The following MAGI2 variants were observed in gnomAD, a reference collection of about 807,000 sequenced individuals.
The protein encoded by MAGI2 is membrane associated guanylate kinase, WW and PDZ domain containing 2, also known as membrane-associated guanylate kinase, WW and PDZ domain-containing protein 2.
MAGI2 carries 35 observed loss-of-function variants against 133.3 expected under a neutral mutation model. The ratio of observed to expected loss-of-function variants is 0.26; its 90% CI spans 0.20 to 0.35. The LOEUF (loss-of-function observed/expected upper bound fraction) is 0.35, where lower values mean the gene tolerates loss of function less well. Among genes scored for constraint, MAGI2 ranks in the 10% least tolerant of loss-of-function variants. MAGI2 has a pLI of 1.00. For synonymous variants in MAGI2, 729 were observed against 710.6 expected (o/e 1.03, Z -0.41); for missense variants, 1,636 against 1,863.4 (o/e 0.88, Z 2.25).
chr7:78,988,667 T>C (rs1805484810), intron 2 of MAGI2, among the ~76,000 whole-genome samples: 1 of 152,114 alleles, frequency 6.6e-6, no homozygotes, highest in Non-Finnish European at 1.5e-5. Context: ...GGTGATATTT[T>C]ACATGGTGGT....
intron 1 of MAGI2, among the ~76,000 whole-genome samples, chr7:79,122,954 G>A (rs1190256212): frequency 2.0e-5 from 3 of 151,984 alleles, no homozygotes; most frequent in Non-Finnish European, 4.4e-5. Flanking sequence ...ATAAAATAGA[G>A]ATTAGTATGT....
chr7:79,050,864 C>A (rs774009178), intron 1 of MAGI2, among the ~76,000 whole-genome samples: 39 of 151,434 alleles, frequency 2.6e-4, no homozygotes, highest in Non-Finnish European at 4.4e-4. Context: ...AAAGAGCCAG[C>A]CTCTGATGTG....
intron 9 of MAGI2, among the ~76,000 whole-genome samples, chr7:78,293,993 G>A (rs1197418066): frequency 6.6e-6 from 1 of 151,994 alleles, no homozygotes; most frequent in Non-Finnish European, 1.5e-5. Flanking sequence ...CGAGTTAATA[G>A]GTCCAGCACA....
chr7:78,742,705 A>G (rs898573689), intron 2 of MAGI2, among the ~76,000 whole-genome samples: 44 of 152,340 alleles, frequency 2.9e-4, no homozygotes, highest in African/African-American at 8.9e-4. Context: ...CCTCTCATCC[A>G]TCAAGAAGTT....
intron 20 of MAGI2, among the ~76,000 whole-genome samples, chr7:78,122,429 T>C (rs550451090): frequency 7.9e-5 from 12 of 152,186 alleles, no homozygotes; most frequent in Non-Finnish European, 4.4e-5. Flanking sequence ...TATTTTTTTG[T>C]GCATTGATTG....
intron 2 of MAGI2, among the ~76,000 whole-genome samples, chr7:78,815,943 A>T (rs1789538432): frequency 6.6e-6 from 1 of 152,210 alleles, no homozygotes; most frequent in South Asian, 2.1e-4. Flanking sequence ...GCTAGAAATG[A>T]TTAAGCTTAG....
At chr7:78,156,870 A>C (rs886947160) in intron 16 of MAGI2, among the ~76,000 whole-genome samples, 6 of 152,120 alleles carry the variant, frequency 3.9e-5, no homozygotes, top group African/African-American at 1.2e-4. Context: ...AAAACAAAAA[A>C]CAGTGAATAT....
Position 79,202,393 on chromosome 7 carries a change from C to T in MAGI2, c.302-195187G>A, listed in dbSNP as rs572752462. 1.4e-3 allele frequency among the ~76,000 whole-genome samples: 211 copies of T among 151,824 alleles called. 2 individuals carry two copies. Among genetic ancestry groups the T allele is most frequent in the Non-Finnish European group, 1.8e-3 (119 of 67,938 alleles). On this transcript the variant is annotated intron_variant, in intron 1 of 21. Transcript: ENST00000354212. ...CTTTTCACTAAGTATTTGTATAAAC[C>T]TGGTTTATACAAACAGCCCTAATAG...
intron 16 of MAGI2, among the ~76,000 whole-genome samples, chr7:78,147,363 C>G (rs988901433): frequency 6.6e-6 from 1 of 152,172 alleles, no homozygotes; most frequent in African/African-American, 2.4e-5. Flanking sequence ...TTATCCTTAT[C>G]TTTCTTACCC....
At chr7:78,500,091 A>G (rs1794485007) in intron 5 of MAGI2, among the ~76,000 whole-genome samples, 1 of 152,200 alleles carries the variant, frequency 6.6e-6, no homozygotes, top group East Asian at 1.9e-4. Context: ...ATTTTCTGCA[A>G]AACATTGTGT....
intron 2 of MAGI2, among the ~76,000 whole-genome samples, chr7:78,909,185 T>G (rs1770583160): frequency 6.7e-6 from 1 of 150,082 alleles, no homozygotes; most frequent in African/African-American, 2.4e-5. Context: ...AAAGAAGACA[T>G]TTATGCGGCC....
At chr7:78,667,732 A>G (rs1218556587) in intron 2 of MAGI2, among the ~76,000 whole-genome samples, 1 of 152,006 alleles carries the variant, frequency 6.6e-6, no homozygotes, top group Non-Finnish European at 1.5e-5. Context: ...ATCATTTTTT[A>G]TGGCTGCATA....
intron 2 of MAGI2, among the ~76,000 whole-genome samples, chr7:78,844,224 G>T (rs1792393374): frequency 6.6e-6 from 1 of 151,436 alleles, no homozygotes; most frequent in Non-Finnish European, 1.5e-5. Context: ...TCCAATAATT[G>T]TATATATACT....
At chr7:79,024,235 AG>A (rs1205812205) in intron 1 of MAGI2, among the ~76,000 whole-genome samples, 1 of 152,196 alleles carries the variant, frequency 6.6e-6, no homozygotes, top group African/African-American at 2.4e-5. Context: ...CAATGGGGAA[AG>A]TATCCCTATT....
Position 79,297,086 on chromosome 7 carries a change from GAGTC to G in MAGI2, c.301+155930_301+155933del, listed in dbSNP as rs138552199. Reference sequence around the variant, plus strand: ...ATTAAGTTGAAACCTCAAGAGAACGGAGTCATTCAGTCATGCCAGCAGGAAGAGC... The same window carrying G: ...ATTAAGTTGAAACCTCAAGAGAACGGATTCAGTCATGCCAGCAGGAAGAGC... On this transcript the variant is annotated intron_variant, in intron 1 of 21. Transcript: ENST00000354212. Among the ~76,000 whole-genome samples, 486 of 152,246 alleles carry G rather than the reference GAGTC, an allele frequency of 3.2e-3. 2 individuals carry two copies. Among genetic ancestry groups the G allele is most frequent in the African/African-American group, 0.011 (468 of 41,554 alleles).
At chr7:79,114,353 C>G (rs1163424114) in intron 1 of MAGI2, among the ~76,000 whole-genome samples, 1 of 152,150 alleles carries the variant, frequency 6.6e-6, no homozygotes, top group Non-Finnish European at 1.5e-5. Context: ...CTGAATGTTA[C>G]AGGCTTACCA....
chr7:79,368,526 G>A (rs1014777967), intron 1 of MAGI2, among the ~76,000 whole-genome samples: 1 of 152,074 alleles, frequency 6.6e-6, no homozygotes, highest in Non-Finnish European at 1.5e-5. Flanking sequence ...CTTATCACTG[G>A]ATTTAAAGAG....
At chr7:78,263,107 A>C (rs1793670947) in intron 9 of MAGI2, among the ~76,000 whole-genome samples, 2 of 151,950 alleles carry the variant, frequency 1.3e-5, no homozygotes, top group African/African-American at 2.4e-5. Context: ...GTGTTAACTC[A>C]GTTAGGGTTA....
intron 1 of MAGI2, among the ~76,000 whole-genome samples, chr7:79,381,898 A>G (rs1407304995): frequency 6.6e-6 from 1 of 151,782 alleles, no homozygotes; most frequent in African/African-American, 2.4e-5. Flanking sequence ...ATTTACAAAT[A>G]TCACTATTAA....
Sources: gnomAD v4.1 joint callset for allele counts (sites outside exome capture counted in the v4.1 genomes callset) on GRCh38, gnomAD v4.1.1 for gene constraint, MANE v1.5 for transcripts, NCBI Gene and HGNC (gene_info 2026-07-23, HGNC 2026-07-21) for gene names.